Variants in PDK1 observed in about 807,000 individuals in gnomAD.
PDK1 encodes [Pyruvate dehydrogenase (acetyl-transferring)] kinase isozyme 1, mitochondrial.
PDK1 carries 39 observed loss-of-function variants against 54.2 expected under a neutral mutation model. The ratio of observed to expected loss-of-function variants is 0.72; its 90% CI spans 0.56 to 0.94. The LOEUF (loss-of-function observed/expected upper bound fraction) is 0.94, where lower values mean the gene tolerates loss of function less well. Ranked by LOEUF, PDK1 falls within the 40% of genes least tolerant of loss-of-function variation. PDK1 has a pLI of 0.00. For synonymous variants in PDK1, 221 were observed against 207.1 expected (o/e 1.07, Z -0.58); for missense variants, 552 against 566.0 (o/e 0.98, Z 0.25).
intron 8 of PDK1, among the ~76,000 whole-genome samples, chr2:172,575,199 A>G (rs968961822): frequency 1.3e-5 from 2 of 152,140 alleles, no homozygotes; most frequent in South Asian, 2.1e-4. Context: ...CATTCTTGGG[A>G]TAAGTCTCAA....
intron 7 of PDK1, among the ~76,000 whole-genome samples, chr2:172,570,129 G>C (rs190328786): frequency 2.0e-5 from 3 of 152,224 alleles, no homozygotes; most frequent in African/African-American, 7.2e-5. Context: ...GTTACATCTA[G>C]TTTATATCAT....
At chr2:172,708,728 C>A in the PDK1 span, among the ~76,000 whole-genome samples, 32 of 152,146 alleles carry the variant, frequency 2.1e-4, no homozygotes, top group African/African-American at 7.5e-4. Flanking sequence ...GGGATGGGAC[C>A]CAAGTCTAAA....
intron 8 of PDK1, among the ~76,000 whole-genome samples, chr2:172,579,529 T>TTC (rs1167484657): frequency 1.3e-5 from 2 of 148,884 alleles, no homozygotes; most frequent in African/African-American, 5.0e-5. Context: ...CTCTTTCTTT[T>TTC]TTTTTTTTTT....
the PDK1 span, among the ~76,000 whole-genome samples, chr2:172,673,576 TG>T: frequency 6.6e-6 from 1 of 152,146 alleles, no homozygotes; most frequent in African/African-American, 2.4e-5. Flanking sequence ...GTGTGTGTGC[TG>T]GGGGAGGGCC....
chr2:172,686,844 T>G, the PDK1 span, among the ~76,000 whole-genome samples: 1 of 152,226 alleles, frequency 6.6e-6, no homozygotes, highest in African/African-American at 2.4e-5. Flanking sequence ...TCTATCTATA[T>G]ATCTACCTAT....
chr2:172,633,559 A>G, the PDK1 span, among the ~76,000 whole-genome samples: 2,611 of 94,590 alleles, frequency 0.028, 74 homozygotes, highest in African/African-American at 0.083. Flanking sequence ...AAGCCAATCT[A>G]TTTTTTTGTT....
downstream of PDK1, among the ~76,000 whole-genome samples, chr2:172,611,492 A>C (rs530591181): frequency 9.2e-5 from 14 of 152,370 alleles, no homozygotes; most frequent in African/African-American, 3.1e-4. Context: ...ATGTAAAAAA[A>C]AATTAATGTT....
the PDK1 span, among the ~76,000 whole-genome samples, chr2:172,671,539 G>GTTT: frequency 1.2e-4 from 17 of 139,974 alleles, no homozygotes; most frequent in South Asian, 3.8e-3. Context: ...CCCTCTATTG[G>GTTT]TTTTTTTTTT....
the PDK1 span, among the ~76,000 whole-genome samples, chr2:172,716,872 T>A: frequency 0.052 from 7,892 of 152,342 alleles, 293 homozygotes; most frequent in South Asian, 0.12. Flanking sequence ...AGAAACAGTT[T>A]CTATTTAATT....
intron 10 of PDK1, among the ~76,000 whole-genome samples, chr2:172,593,287 A>G (rs775196228): frequency 7.2e-5 from 11 of 152,328 alleles, no homozygotes; most frequent in Non-Finnish European, 1.2e-4. Flanking sequence ...GGGTTAAAGT[A>G]GAGAATCATA....
At chr2:172,613,136 A>G (rs2149333708), downstream of PDK1, among the ~76,000 whole-genome samples, 1 of 152,316 alleles carries the variant, frequency 6.6e-6, no homozygotes, top group East Asian at 1.9e-4. Context: ...ATGATGCAGA[A>G]CTGAGTCTTG....
chr2:172,589,528 C>T (rs1242311485), intron 9 of PDK1, among the ~76,000 whole-genome samples: 1 of 152,222 alleles, frequency 6.6e-6, no homozygotes, highest in African/African-American at 2.4e-5. Flanking sequence ...CTCTGAACTC[C>T]TGCTGGGTTT....
intron 8 of PDK1, among the ~76,000 whole-genome samples, chr2:172,573,870 C>A (rs1441726276): frequency 1.3e-5 from 2 of 152,030 alleles, no homozygotes. Flanking sequence ...CTTAAGCAGT[C>A]CTCCCACCTT....
At chr2:172,623,269 A>T in the PDK1 span, among the ~76,000 whole-genome samples, 1 of 152,174 alleles carries the variant, frequency 6.6e-6, no homozygotes, top group Non-Finnish European at 1.5e-5. Context: ...CATTCCACTA[A>T]GTGTACAGAG....
the PDK1 span, among the ~76,000 whole-genome samples, chr2:172,684,790 T>G: frequency 6.6e-6 from 1 of 152,240 alleles, no homozygotes; most frequent in South Asian, 2.1e-4. Flanking sequence ...GCTGACGATT[T>G]TGGCCTCCTA....
At chr2:172,673,699 G>A in the PDK1 span, among the ~76,000 whole-genome samples, 2 of 152,138 alleles carry the variant, frequency 1.3e-5, 1 homozygote, top group Non-Finnish European at 2.9e-5. Flanking sequence ...TAACATGTTT[G>A]TTCAGAGCCC....
At chr2:172,581,243 AC>A (rs1005302047) in intron 8 of PDK1, among the ~76,000 whole-genome samples, 4 of 151,996 alleles carry the variant, frequency 2.6e-5, no homozygotes, top group South Asian at 2.1e-4. Flanking sequence ...GGCGCCTGCT[AC>A]CACACCTGGC....
At chr2:172,650,420 A>G in the PDK1 span, among the ~76,000 whole-genome samples, 2 of 152,244 alleles carry the variant, frequency 1.3e-5, no homozygotes, top group African/African-American at 4.8e-5. Flanking sequence ...AAGAAACTGC[A>G]TCAACTAACG....
At position 172,600,712 on chromosome 2, in the gene PDK1, A is replaced by G. The variant is rs150410446; in HGVS notation, c.*4743A>G. 3.9e-5 allele frequency: 6 copies of G among 152,168 alleles called. No individual in the cohort carries two copies. The highest frequency in any genetic ancestry group is 1.4e-4 in the African/African-American group (6 of 41,396). 9.4% of individuals were successfully genotyped at this position (152,168 alleles called of 1,614,324 possible). On this transcript the variant is annotated 3_prime_UTR_variant, in exon 11 of 11. Coordinates refer to ENST00000282077, the MANE Select transcript of PDK1 (RefSeq NM_002610.5). Reference sequence around the variant, plus strand: ...TGAGGAGGGGGCTCATGAGGAGGGGATATCTTATCCTCCTAGGGTCCGAGG... The same window carrying G: ...TGAGGAGGGGGCTCATGAGGAGGGGGTATCTTATCCTCCTAGGGTCCGAGG...
Sources: gnomAD v4.1 joint callset for allele counts (sites outside exome capture counted in the v4.1 genomes callset) on GRCh38, gnomAD v4.1.1 for gene constraint, MANE v1.5 for transcripts, NCBI Gene and HGNC (gene_info 2026-07-23, HGNC 2026-07-21) for gene names.